Variants in EIPR1 observed in about 807,000 individuals in gnomAD.
The protein encoded by EIPR1 is EARP complex and GARP complex interacting protein 1.
In EIPR1, 25 loss-of-function variants were observed where a neutral mutation model predicts 48.1. That is an observed-to-expected ratio of 0.52 (90% CI 0.38 to 0.73). The LOEUF (loss-of-function observed/expected upper bound fraction) is 0.73. Among genes scored for constraint, EIPR1 ranks in the 30% least tolerant of loss-of-function variants. The probability of loss-of-function intolerance (pLI) is 0.00; values close to 1 mark genes in which losing one functional copy is unlikely to be tolerated. For synonymous variants in EIPR1, 204 were observed against 201.9 expected (o/e 1.01, Z -0.09); for missense variants, 415 against 506.2 (o/e 0.82, Z 1.73).
chr2:3,271,777 A>G (rs1283812770), intron 3 of EIPR1, among the ~76,000 whole-genome samples: 1 of 152,236 alleles, frequency 6.6e-6, no homozygotes, highest in African/African-American at 2.4e-5. Context: ...CTTCAACTTA[A>G]AAGTCAACAA....
chr2:3,269,616 ACAATCATCGCACT>A lies in EIPR1; in HGVS notation c.260-12174_260-12162del, dbSNP rs1558263752. On this transcript the variant is annotated intron_variant, in intron 3 of 8. Transcript: ENST00000382125. ...TCGCACTCAATCGCACTCAATCATC[ACAATCATCGCACT>A]CAATCATCACACTCAATCATCACAC... Among the ~76,000 whole-genome samples the A allele has an allele frequency of 2.9e-3, 332 of 115,058 alleles. 10 individuals are homozygous for A. Among genetic ancestry groups the A allele is most frequent in the South Asian group, 5.6e-3 (18 of 3,236 alleles). 75.5% of individuals were successfully genotyped at this position (115,058 alleles called of 152,430 possible).
At chr2:3,350,155 CTGGGT>C (rs1375158496) in intron 2 of EIPR1, among the ~76,000 whole-genome samples, 1 of 133,806 alleles carries the variant, frequency 7.5e-6, no homozygotes, top group African/African-American at 2.7e-5. Context: ...CTACCTGATA[CTGGGT>C]AGTTTATAAA....
At chr2:3,216,745 T>C (rs140269938) in intron 4 of EIPR1, among the ~76,000 whole-genome samples, 24 of 152,360 alleles carry the variant, frequency 1.6e-4, no homozygotes, top group Admixed American at 1.3e-3. Flanking sequence ...CCACAATGAC[T>C]GGCAACCTTT....
chr2:3,209,040 C>A, intron 5 of EIPR1: 2 of 1,441,478 alleles, frequency 1.4e-6, no homozygotes, highest in Non-Finnish European at 1.8e-6. Flanking sequence ...CCAGCACCAT[C>A]TTTTCCGGGA....
intron 3 of EIPR1, among the ~76,000 whole-genome samples, chr2:3,267,873 G>A (rs150889389): frequency 2.2e-4 from 33 of 152,320 alleles, no homozygotes; most frequent in African/African-American, 4.6e-4. Flanking sequence ...GGAAGAAATC[G>A]GCTGGCTCCA....
chr2:3,209,865 AG>A lies in EIPR1; in HGVS notation c.516+4283del, dbSNP rs559868463. 5.9e-5 allele frequency among the ~76,000 whole-genome samples: 9 copies of A among 152,314 alleles called. No homozygotes were observed. In the South Asian group the frequency reaches 1.9e-3, roughly 32 times the overall value. On this transcript the variant is annotated intron_variant, in intron 5 of 8. Transcript: ENST00000382125. ...AAGATCGGGCTTGCCAGGGGCTTGG[AG>A]AGAGAGCATGAGGAAAGAATCATCG... is the stretch of plus-strand genomic sequence containing the variant.
chr2:3,216,515 GAT>G (rs567172889), intron 4 of EIPR1, among the ~76,000 whole-genome samples: 202 of 2,398 alleles, frequency 0.084, 4 homozygotes, highest in East Asian at 0.49. Flanking sequence ...CACATCACAG[GAT>G]GAGAACTAGC....
At chr2:3,246,879 G>GGAGGGAAGGAGGGAGGGAA (rs1558248872) in intron 4 of EIPR1, among the ~76,000 whole-genome samples, 1 of 33,674 alleles carries the variant, frequency 3.0e-5, no homozygotes, top group Non-Finnish European at 5.4e-5. Flanking sequence ...GAGGGAGGGA[G>GGAGGGAAGGAGGGAGGGAA]GGAGGGAGGG....
At position 3,214,220 on chromosome 2, in the gene EIPR1, T is replaced by G. The variant is rs1244305385; in HGVS notation, c.445A>C (p.Lys149Gln). The change falls in exon 5 of 9, where the codon AAG becomes CAG. Residue 149 changes from lysine (K) to glutamine (Q), a missense_variant. By Grantham distance (53) the Lys-to-Gln change is moderately conservative. Coordinates refer to ENST00000382125, the MANE Select transcript of EIPR1 (RefSeq NM_003310.5). ...TTATCAGCCAAGGAAATGATTTTCT[T>G]CCCATCTCCCATTGGCTCCCACACG... Reference protein sequence around the residue: ...CVVWEPMGDGKKIISLADNHI... With the variant: ...CVVWEPMGDGQKIISLADNHI... 2 of 1,613,758 alleles carry G rather than the reference T, an allele frequency of 1.2e-6. No individual in the cohort carries two copies. The highest frequency in any genetic ancestry group is 3.3e-5 in the Admixed American group (2 of 59,978).
chr2:3,208,649 T>C lies in EIPR1; in HGVS notation c.516+5500A>G, dbSNP rs567501668. 80 of 1,550,654 alleles carry C rather than the reference T, an allele frequency of 5.2e-5. 2 individuals are homozygous for C. In the South Asian group the frequency reaches 9.2e-4, roughly 18 times the overall value. Reference sequence around the variant, plus strand: ...CCATGGCATTCTGGTATGCTTGGCATATGGCTGACTTCTTGCAGTCATAAC... The same window carrying C: ...CCATGGCATTCTGGTATGCTTGGCACATGGCTGACTTCTTGCAGTCATAAC... On this transcript the variant is annotated intron_variant, in intron 5 of 8. Coordinates refer to ENST00000382125, the MANE Select transcript of EIPR1 (RefSeq NM_003310.5).
chr2:3,253,910 G>T (rs1667077173), intron 4 of EIPR1, among the ~76,000 whole-genome samples: 1 of 152,168 alleles, frequency 6.6e-6, no homozygotes, highest in Non-Finnish European at 1.5e-5. Flanking sequence ...GCGGTGTGGG[G>T]CATGCCTCTA....
At chr2:3,373,889 A>T (rs1450661681) in intron 1 of EIPR1, among the ~76,000 whole-genome samples, 1 of 151,960 alleles carries the variant, frequency 6.6e-6, no homozygotes, top group African/African-American at 2.4e-5. Context: ...TTTAAAGTTC[A>T]TATGGAACCA....
At chr2:3,369,450 G>A (rs1031421327) in intron 1 of EIPR1, among the ~76,000 whole-genome samples, 1 of 152,242 alleles carries the variant, frequency 6.6e-6, no homozygotes, top group African/African-American at 2.4e-5. Context: ...CACTCGGGAA[G>A]TGCAAGGGGT....
intron 4 of EIPR1, among the ~76,000 whole-genome samples, chr2:3,218,819 C>G (rs1414386330): frequency 6.7e-6 from 1 of 150,096 alleles, no homozygotes; most frequent in Non-Finnish European, 1.5e-5. Context: ...CCCTGATACA[C>G]TCTAGAGCTT....
intron 3 of EIPR1, among the ~76,000 whole-genome samples, chr2:3,280,334 AC>A (rs1365511523): frequency 1.3e-5 from 2 of 152,130 alleles, no homozygotes; most frequent in African/African-American, 4.8e-5. Flanking sequence ...AGGAACTCGG[AC>A]CCGGTCTCCC....
chr2:3,303,521 C>T (rs1668821283), intron 3 of EIPR1, among the ~76,000 whole-genome samples: 1 of 152,264 alleles, frequency 6.6e-6, no homozygotes, highest in Non-Finnish European at 1.5e-5. Flanking sequence ...CACGCTGCCA[C>T]GTCTGAATCA....
intron 1 of EIPR1, among the ~76,000 whole-genome samples, chr2:3,376,135 C>G (rs1257780401): frequency 6.6e-6 from 1 of 152,086 alleles, no homozygotes; most frequent in East Asian, 1.9e-4. Context: ...GGAATTTTCT[C>G]TCATTATAAC....
intron 4 of EIPR1, among the ~76,000 whole-genome samples, chr2:3,254,255 G>A (rs1459404530): frequency 6.6e-6 from 1 of 152,176 alleles, no homozygotes; most frequent in Non-Finnish European, 1.5e-5. Flanking sequence ...AAATGCTGGG[G>A]AGGACGCAGA....
At chr2:3,229,835 C>T (rs1024540180) in intron 4 of EIPR1, among the ~76,000 whole-genome samples, 3 of 152,234 alleles carry the variant, frequency 2.0e-5, no homozygotes, top group Non-Finnish European at 4.4e-5. Flanking sequence ...GTATGGTGGT[C>T]ATTCCAACAG....
Sources: allele counts gnomAD v4.1 joint callset (sites outside exome capture counted in the v4.1 genomes callset), GRCh38; gene constraint gnomAD v4.1.1; transcripts MANE v1.5; gene names NCBI Gene and HGNC (gene_info 2026-07-23, HGNC 2026-07-21).